The following COL25A1 variants were observed in gnomAD, a reference collection of about 807,000 sequenced individuals.
The protein encoded by COL25A1 is collagen alpha-1(XXV) chain.
A neutral mutation model predicts 128.4 loss-of-function variants in COL25A1; 103 were observed. The ratio of observed to expected loss-of-function variants is 0.80; its 90% confidence interval spans 0.68 to 0.94. The LOEUF is 0.94. Among genes scored for constraint, COL25A1 ranks in the 40% least tolerant of loss-of-function variants. COL25A1 has a pLI of 0.00. For missense variants in COL25A1, 745 were observed against 840.0 expected, an observed-to-expected ratio of 0.89 and a Z score of 1.40; for synonymous variants, 279 against 277.2, an observed-to-expected ratio of 1.01 and a Z score of -0.06.
rs117403322 is a variant in COL25A1, at chr4:108,977,405, T to C, written c.439-2846A>G. On this transcript the variant is annotated intron_variant, in intron 6 of 37. Coordinates refer to ENST00000399132, the MANE Select transcript of COL25A1 (RefSeq NM_198721.4). ...TATTTTCCATGAATCAACTAGTAAT[T>C]AGTGAGTACAGTCTGTGTGTTCATC... Among the ~76,000 whole-genome samples, 102 of 152,334 alleles carry C rather than the reference T, an allele frequency of 6.7e-4. 1 individual carries two copies. In the East Asian group the frequency reaches 0.015, roughly 23 times the overall value.
rs374835646 is a variant in COL25A1 at position 109,104,780 on chromosome 4, G to C, written c.368-54601C>G. On this transcript the variant is annotated intron_variant, in intron 3 of 37. Transcript: ENST00000399132. The stretch of plus-strand genomic sequence containing the variant: ...AAAGGAAACGTATACATCTCAACCA[G>C]TTGTAAGACGATGTTTGAATTCTGA... Among the ~76,000 whole-genome samples, 13 of 152,296 alleles carry C rather than the reference G, an allele frequency of 8.5e-5. No homozygotes were observed. The East Asian group carries it at 2.3e-3, about 27-fold the overall frequency.
intron 3 of COL25A1, among the ~76,000 whole-genome samples, chr4:109,151,556 A>C (rs868299257): frequency 6.6e-6 from 1 of 152,160 alleles, no homozygotes; most frequent in Non-Finnish European, 1.5e-5. Flanking sequence ...ACAAAATTTA[A>C]AGTCCAGTAG....
At chr4:109,248,613 C>T (rs367549453) in intron 3 of COL25A1, among the ~76,000 whole-genome samples, 4 of 152,270 alleles carry the variant, frequency 2.6e-5, no homozygotes, top group African/African-American at 9.6e-5. Context: ...TCCACCCATG[C>T]CATGCAGTAA....
rs115760982 is a variant in COL25A1 at position 109,191,312 on chromosome 4, G to A, written c.367+109271C>T. ...AAGAAGGACAATGCACAAGAGAGGA[G>A]GGAATTTGTGCTATTTGACCAGGGT... On this transcript the variant is annotated intron_variant, in intron 3 of 37. Coordinates refer to ENST00000399132, the MANE Select transcript of COL25A1 (RefSeq NM_198721.4). Among the ~76,000 whole-genome samples, 1,085 of 152,276 alleles carry A rather than the reference G, an allele frequency of 7.1e-3. 15 individuals carry two copies. The highest frequency in any genetic ancestry group is 0.024 in the African/African-American group (999 of 41,554).
At chr4:109,190,492 T>C (rs541722554) in intron 3 of COL25A1, among the ~76,000 whole-genome samples, 14 of 152,240 alleles carry the variant, frequency 9.2e-5, no homozygotes, top group African/African-American at 3.1e-4. Context: ...TGCAATCCCA[T>C]TGTGGGGATC....
chr4:109,071,685 A>G (rs1300908348), intron 3 of COL25A1, among the ~76,000 whole-genome samples: 1 of 152,236 alleles, frequency 6.6e-6, no homozygotes, highest in Non-Finnish European at 1.5e-5. Flanking sequence ...CAGCCAAAAG[A>G]CACATGAAAA....
chr4:108,820,304 C>T (rs1291749908), intron 35 of COL25A1, among the ~76,000 whole-genome samples: 1 of 152,134 alleles, frequency 6.6e-6, no homozygotes, highest in African/African-American at 2.4e-5. Context: ...TACCTGTCAC[C>T]TTGCTTTTTT....
rs114649186 is a variant in COL25A1 at position 109,256,607 on chromosome 4, T to C, written c.367+43976A>G. On this transcript the variant is annotated intron_variant, in intron 3 of 37. Coordinates refer to ENST00000399132, the MANE Select transcript of COL25A1 (RefSeq NM_198721.4). ...TTTTTCCAATTTCACAGAAGCCTCA[T>C]TTCCAGACCAGTGTTTGGTTGACAT... Among the ~76,000 whole-genome samples, 1,011 of 152,342 alleles carry C rather than the reference T, an allele frequency of 6.6e-3. 10 individuals carry two copies. Among genetic ancestry groups the C allele is most frequent in the African/African-American group, 0.023 (968 of 41,596 alleles).
chr4:108,892,668 T>A (rs1741656443), intron 16 of COL25A1, among the ~76,000 whole-genome samples: 1 of 152,176 alleles, frequency 6.6e-6, no homozygotes, highest in Admixed American at 6.5e-5. Flanking sequence ...TTTTCTTTTT[T>A]TGAAATCTGG....
chr4:108,975,339 C>A (rs1752334063), intron 6 of COL25A1, among the ~76,000 whole-genome samples: 1 of 152,166 alleles, frequency 6.6e-6, no homozygotes, highest in African/African-American at 2.4e-5. Flanking sequence ...GCCTGTGATC[C>A]CAGCTACTTG....
chr4:109,251,851 A>T (rs1235765829), intron 3 of COL25A1, among the ~76,000 whole-genome samples: 1 of 152,230 alleles, frequency 6.6e-6, no homozygotes, highest in Admixed American at 6.5e-5. Context: ...CATATATTTA[A>T]CACTGATTCA....
intron 28 of COL25A1, 124 bp from the exon 29 acceptor site, chr4:108,845,375 AAAG>A: frequency 1.4e-6 from 1 of 736,706 alleles, no homozygotes; most frequent in Non-Finnish European, 2.4e-6. Context: ...TTGCTACATA[AAAG>A]AAGGATTTAT....
At chr4:109,119,682 G>A (rs1361422781) in intron 3 of COL25A1, among the ~76,000 whole-genome samples, 1 of 151,996 alleles carries the variant, frequency 6.6e-6, no homozygotes, top group African/African-American at 2.4e-5. Flanking sequence ...AAGATAGCTT[G>A]AGTGAATTCT....
At chr4:108,993,711 T>C (rs1394101115) in intron 6 of COL25A1, among the ~76,000 whole-genome samples, 1 of 151,864 alleles carries the variant, frequency 6.6e-6, no homozygotes, top group African/African-American at 2.4e-5. Context: ...AATACAAAAA[T>C]TAGCTGGGCG....
chr4:109,171,929 C>T (rs1773627172), intron 3 of COL25A1, among the ~76,000 whole-genome samples: 1 of 152,146 alleles, frequency 6.6e-6, no homozygotes, highest in Non-Finnish European at 1.5e-5. Flanking sequence ...ATATGGGTCT[C>T]TGTGCTGACA....
At chr4:108,825,057 G>T in intron 34 of COL25A1, 139 bp downstream of exon 34, 4 of 578,552 alleles carry the variant, frequency 6.9e-6, no homozygotes, top group South Asian at 2.8e-5. Context: ...ATTTTATATT[G>T]CTGTTTACAT....
At chr4:109,126,173 G>T (rs778663463) in intron 3 of COL25A1, among the ~76,000 whole-genome samples, 18 of 151,996 alleles carry the variant, frequency 1.2e-4, no homozygotes, top group Admixed American at 5.2e-4. Context: ...TAATCCTCAC[G>T]GTAAAAAAGA....
In COL25A1 at chr4:109,104,751, A is replaced by C. The variant is rs3113706; in HGVS notation, c.368-54572T>G. 6.6e-4 allele frequency among the ~76,000 whole-genome samples: 100 copies of C among 152,324 alleles called. 1 individual carries two copies. Among genetic ancestry groups the C allele is most frequent in the African/African-American group, 2.3e-3 (95 of 41,562 alleles). On this transcript the variant is annotated intron_variant, in intron 3 of 37. Transcript: ENST00000399132. ...AAAAGAGAGAGAGAGGCAACCTATA[A>C]ATTAAAGGAAACGTATACATCTCAA...
At chr4:108,915,471 G>A (rs144815681) in intron 13 of COL25A1, among the ~76,000 whole-genome samples, 1,845 of 152,228 alleles carry the variant, frequency 0.012, 16 homozygotes, top group Middle Eastern at 0.024. Flanking sequence ...AAAATGCTGG[G>A]ATTATTGGCA....
Sources: allele counts gnomAD v4.1 joint callset (sites outside exome capture counted in the v4.1 genomes callset), GRCh38; gene constraint gnomAD v4.1.1; transcripts MANE v1.5; gene names NCBI Gene and HGNC (gene_info 2026-07-23, HGNC 2026-07-21).